TCEA1: variants seen among roughly 807,000 people sequenced by gnomAD.
TCEA1 encodes transcription elongation factor A1.
In TCEA1, 21 loss-of-function variants were observed where a neutral mutation model predicts 43.8. The ratio of observed to expected loss-of-function variants is 0.48; its 90% CI spans 0.34 to 0.69. The LOEUF (loss-of-function observed/expected upper bound fraction) is 0.69, where lower values mean the gene tolerates loss of function less well. Ranked by LOEUF, TCEA1 falls within the 30% of genes least tolerant of loss-of-function variation. The pLI is 0.01. For synonymous variants in TCEA1, 104 were observed against 117.5 expected, an observed-to-expected ratio of 0.88 and a Z score of 0.75; for missense variants, 250 against 365.1, an observed-to-expected ratio of 0.68 and a Z score of 2.57.
intron 1 of TCEA1, among the ~76,000 whole-genome samples, chr8:54,015,809 A>C (rs1804802137): frequency 6.6e-6 from 1 of 152,150 alleles, no homozygotes; most frequent in Non-Finnish European, 1.5e-5. Flanking sequence ...TCCAATTTGT[A>C]CTCCAGCCTG....
In TCEA1 at chr8:53,967,120, T is replaced by C. The variant is rs1266958189; in HGVS notation, c.*984A>G. Reference sequence around the variant, plus strand: ...GCAAATAAGACTTGGGACAAAATTATTTTCTATCAGTCTCCACATGGAAAG... The same window carrying C: ...GCAAATAAGACTTGGGACAAAATTACTTTCTATCAGTCTCCACATGGAAAG... On this transcript the variant is annotated 3_prime_UTR_variant, in exon 10 of 10. Coordinates refer to ENST00000521604, the MANE Select transcript of TCEA1 (RefSeq NM_006756.4). 4.7e-6 allele frequency: 1 copy of C among 212,154 alleles called. No homozygotes were observed. The highest frequency in any genetic ancestry group is 5.9e-5 in the Admixed American group (1 of 17,064). The allele number at this position is 212,154 out of a possible 1,614,324, so 13.1% of individuals were successfully genotyped here. A position where few individuals can be genotyped will look rare whatever the true frequency, so the allele number is the denominator to read the frequency against.
chr8:53,983,344 T>A (rs776190342), intron 7 of TCEA1, among the ~76,000 whole-genome samples: 1 of 152,248 alleles, frequency 6.6e-6, no homozygotes, highest in South Asian at 2.1e-4. Flanking sequence ...ATCTGAGGTA[T>A]GTTTGTGTAC....
chr8:54,014,211 C>T (rs1362821792), intron 1 of TCEA1, among the ~76,000 whole-genome samples: 3 of 152,158 alleles, frequency 2.0e-5, no homozygotes, highest in African/African-American at 4.8e-5. Flanking sequence ...GCTGCCCTTT[C>T]CCCAGCAGTG....
intron 2 of TCEA1, among the ~76,000 whole-genome samples, chr8:54,008,852 T>C (rs146190548): frequency 0.026 from 3,940 of 149,396 alleles, 169 homozygotes; most frequent in African/African-American, 0.09. Context: ...TTTATTTATT[T>C]ATTTTTTTTT....
At chr8:54,015,978 A>G (rs192239270) in intron 1 of TCEA1, among the ~76,000 whole-genome samples, 5 of 152,332 alleles carry the variant, frequency 3.3e-5, no homozygotes, top group African/African-American at 1.2e-4. Flanking sequence ...CCACAATGAA[A>G]TACCACTTTA....
At chr8:54,000,144 T>G in intron 2 of TCEA1, 94 bp from the exon 3 acceptor site, 1 of 817,534 alleles carries the variant, frequency 1.2e-6, no homozygotes, top group Non-Finnish European at 1.9e-6. Context: ...GATTCCTGTT[T>G]CTATTTTAGA....
intron 8 of TCEA1, among the ~76,000 whole-genome samples, chr8:53,976,478 C>T (rs1803336001): frequency 6.6e-6 from 1 of 152,128 alleles, no homozygotes; most frequent in Non-Finnish European, 1.5e-5. Context: ...ATTTCTTTTA[C>T]ATCTGTTATT....
intron 7 of TCEA1, 50 bp downstream of exon 7, chr8:53,984,313 T>G (rs1803616122): frequency 2.0e-6 from 3 of 1,521,740 alleles, no homozygotes; most frequent in South Asian, 1.3e-5. Flanking sequence ...GGCTTTACAC[T>G]TCACAACACA....
At chr8:53,968,306 A>G (rs997156533) in intron 9 of TCEA1, among the ~76,000 whole-genome samples, 194 bp from the exon 10 acceptor site, 4 of 152,160 alleles carry the variant, frequency 2.6e-5, no homozygotes, top group African/African-American at 9.6e-5. Context: ...GGAACATACA[A>G]CTAAAGAACT....
intron 9 of TCEA1, among the ~76,000 whole-genome samples, 197 bp from the exon 10 acceptor site, chr8:53,968,309 A>G (rs181387749): frequency 2.8e-3 from 426 of 152,262 alleles, no homozygotes; most frequent in Non-Finnish European, 3.4e-3. Context: ...ACATACAACT[A>G]AAGAACTTGT....
intron 2 of TCEA1, among the ~76,000 whole-genome samples, chr8:54,006,237 C>G (rs867629765): frequency 1.6e-4 from 24 of 152,180 alleles, no homozygotes; most frequent in African/African-American, 5.3e-4. Context: ...TGTCAGTTTT[C>G]CTCTACTAGA....
Position 53,967,319 on chromosome 8 carries a change from T to C in TCEA1, c.*785A>G, listed in dbSNP as rs1230982617. ...GGAAAAAAATAGTGGGAAGTTTTCA[T>C]CTTTGCCTATGAGGGGATTTATGAA... On this transcript the variant is annotated 3_prime_UTR_variant, in exon 10 of 10. Transcript: ENST00000521604. The C allele has an allele frequency of 4.9e-6, 1 of 202,228 alleles. No individual in the cohort carries two copies. Among genetic ancestry groups the C allele is most frequent in the Non-Finnish European group, 1.0e-5 (1 of 98,182 alleles). The allele number at this position is 202,228 out of a possible 1,614,324, so 12.5% of individuals were successfully genotyped here.
rs576888549 is a variant in TCEA1, at chr8:54,008,491, T to A, written c.126+1939A>T. On this transcript the variant is annotated intron_variant, in intron 2 of 9. Coordinates refer to ENST00000521604, the MANE Select transcript of TCEA1 (RefSeq NM_006756.4). ...AGAACCCCGTCTCTAAAAAAAAAAA[T>A]TTTTTTAATTAGCCAAGCATGGTAG... Among the ~76,000 whole-genome samples the A allele has an allele frequency of 3.3e-4, 50 of 150,618 alleles. No homozygotes were observed. The East Asian group carries it at 3.7e-3, about 11-fold the overall frequency.
rs1805077791 is a variant in TCEA1, at chr8:54,022,306, G to A, written c.-181C>T. 7 of 679,426 alleles carry A rather than the reference G, an allele frequency of 1.0e-5. No homozygotes were observed. Among genetic ancestry groups the A allele is most frequent in the Non-Finnish European group, 1.7e-5 (7 of 403,420 alleles). 42.1% of individuals were successfully genotyped at this position (679,426 alleles called of 1,614,324 possible). A position where few individuals can be genotyped will look rare whatever the true frequency, so the allele number is the denominator to read the frequency against. On this transcript the variant is annotated 5_prime_UTR_variant, in exon 1 of 10. Transcript: ENST00000521604. ...CGGCGGCGGCGGCGGCGGCGGCTCC[G>A]GCTCCTCCTCCCCAGGCAGCGACAA...
At chr8:54,007,658 T>C (rs923734056) in intron 2 of TCEA1, among the ~76,000 whole-genome samples, 4 of 152,204 alleles carry the variant, frequency 2.6e-5, no homozygotes, top group African/African-American at 9.7e-5. Context: ...GAAAGAAATA[T>C]TCAATTTCAG....
chr8:54,022,296 C>T lies in TCEA1; in HGVS notation c.-171G>A, dbSNP rs1805075669. The T allele has an allele frequency of 3.9e-6, 3 of 765,320 alleles. No individual in the cohort carries two copies. The highest frequency in any genetic ancestry group is 2.1e-6 in the Non-Finnish European group (1 of 468,006). The allele number at this position is 765,320 out of a possible 1,614,324, so 47.4% of individuals were successfully genotyped here. On this transcript the variant is annotated 5_prime_UTR_variant, in exon 1 of 10. Transcript: ENST00000521604. ...AAGCCCGCGGCGGCGGCGGCGGCGGCGGCGGCTCCGGCTCCTCCTCCCCAG... is the reference window on the plus strand; with the variant it reads ...AAGCCCGCGGCGGCGGCGGCGGCGGTGGCGGCTCCGGCTCCTCCTCCCCAG...
intron 3 of TCEA1, 111 bp downstream of exon 3, chr8:53,999,834 C>A: frequency 2.6e-6 from 2 of 774,932 alleles, no homozygotes; most frequent in South Asian, 3.3e-5. Context: ...TTCAGTATAT[C>A]TAGATTCACT....
chr8:54,017,827 G>A (rs1804884505), intron 1 of TCEA1, among the ~76,000 whole-genome samples: 4 of 152,250 alleles, frequency 2.6e-5, no homozygotes, highest in Admixed American at 1.3e-4. Context: ...AGCTGAGGTG[G>A]GAGAGCTGCT....
chr8:54,009,055 G>A (rs950176957), intron 2 of TCEA1, among the ~76,000 whole-genome samples: 7 of 151,674 alleles, frequency 4.6e-5, no homozygotes, highest in African/African-American at 1.7e-4. Context: ...TTACCATGTT[G>A]GCCAGGCTGG....
Sources: gnomAD v4.1 joint callset for allele counts (sites outside exome capture counted in the v4.1 genomes callset) on GRCh38, gnomAD v4.1.1 for gene constraint, MANE v1.5 for transcripts, NCBI Gene and HGNC (gene_info 2026-07-23, HGNC 2026-07-21) for gene names.